The following CA13 variants were observed in gnomAD, a reference collection of about 807,000 sequenced individuals.
CA13 encodes carbonic anhydrase 13.
CA13 carries 21 observed loss-of-function variants against 31.5 expected under a neutral mutation model. That is an observed-to-expected ratio of 0.67 (90% CI 0.47 to 0.96). The LOEUF (loss-of-function observed/expected upper bound fraction) is 0.96. CA13 is among the 40% of genes least tolerant of loss of function. The probability of loss-of-function intolerance (pLI) is 0.00; values close to 1 mark genes in which losing one functional copy is unlikely to be tolerated. For missense variants in CA13, 315 were observed against 318.9 expected (o/e 0.99, Z 0.09); for synonymous variants, 117 against 111.4 (o/e 1.05, Z -0.32).
chr8:85,273,766 A>AG (rs577201048), intron 6 of CA13, among the ~76,000 whole-genome samples: 2 of 151,898 alleles, frequency 1.3e-5, no homozygotes, highest in Non-Finnish European at 2.9e-5. Flanking sequence ...GTCTGCCCCC[A>AG]GGGATGCAAG....
intron 2 of CA13, among the ~76,000 whole-genome samples, chr8:85,251,390 C>T (rs1813826002): frequency 6.6e-6 from 1 of 152,050 alleles, no homozygotes; most frequent in Admixed American, 6.6e-5. Flanking sequence ...ATTAAGATAT[C>T]TTGTTATATA....
At chr8:85,268,344 C>T in intron 5 of CA13, 128 bp from the exon 6 acceptor site, 1 of 823,776 alleles carries the variant, frequency 1.2e-6, no homozygotes, top group Non-Finnish European at 1.9e-6. Flanking sequence ...GAAGATATTA[C>T]ATAATTCTAG....
intron 3 of CA13, 141 bp downstream of exon 3, chr8:85,259,680 A>G (rs1807351320): frequency 1.6e-6 from 1 of 642,062 alleles, no homozygotes; most frequent in Admixed American, 2.8e-5. Flanking sequence ...TTCATTCAAT[A>G]TGAGAGTTTA....
At chr8:85,246,017 G>A (rs560449703) in intron 1 of CA13, 152 bp downstream of exon 1, 1 of 885,672 alleles carries the variant, frequency 1.1e-6, no homozygotes, top group African/African-American at 1.6e-5. Flanking sequence ...TGGGAGCCCA[G>A]TGCGAGAAGC....
chr8:85,281,165 C>G (rs1424063522), intron 6 of CA13, 65 bp from the exon 7 acceptor site: 1 of 1,561,526 alleles, frequency 6.4e-7, no homozygotes, highest in Non-Finnish European at 8.8e-7. Flanking sequence ...CTTCTTTATG[C>G]AGGGTAATTC....
rs751039473 is a variant in CA13, at chr8:85,282,796, C to G, written c.*1447C>G. 2 of 152,128 alleles carry G rather than the reference C, an allele frequency of 1.3e-5. No individual in the cohort carries two copies. The highest frequency in any genetic ancestry group is 2.9e-5 in the Non-Finnish European group (2 of 68,012). 9.4% of individuals were successfully genotyped at this position (152,128 alleles called of 1,614,324 possible). A position where few individuals can be genotyped will look rare whatever the true frequency, so the allele number is the denominator to read the frequency against. On this transcript the variant is annotated 3_prime_UTR_variant, in exon 7 of 7. Transcript: ENST00000321764. ...CAAACAGAGGGACACTAAGCATTAA[C>G]TTAATAATCACATTTAAGACTTGAA... is the stretch of plus-strand genomic sequence containing the variant.
intron 2 of CA13, among the ~76,000 whole-genome samples, chr8:85,251,356 T>C (rs1813825265): frequency 6.6e-6 from 1 of 152,188 alleles, no homozygotes; most frequent in South Asian, 2.1e-4. Context: ...TTTGTCAAAT[T>C]GAAGCATATT....
chr8:85,281,511 T>C lies in CA13; in HGVS notation c.*162T>C. On this transcript the variant is annotated 3_prime_UTR_variant, in exon 7 of 7. Coordinates refer to ENST00000321764, the MANE Select transcript of CA13 (RefSeq NM_198584.3). ...ACAAAGAAAACCAGATCTCTCTCTC[T>C]TTTTTTTTTATTTTTTTTAGTGATA... 9.1e-7 allele frequency: 1 copy of C among 1,097,076 alleles called. No individual in the cohort carries two copies. 68.0% of individuals were successfully genotyped at this position (1,097,076 alleles called of 1,614,324 possible).
chr8:85,278,593 C>T (rs1431894286), intron 6 of CA13, among the ~76,000 whole-genome samples: 2 of 151,972 alleles, frequency 1.3e-5, no homozygotes, highest in Non-Finnish European at 2.9e-5. Context: ...TAAAATGATA[C>T]GATGTTGGGA....
intron 2 of CA13, among the ~76,000 whole-genome samples, chr8:85,255,990 G>T (rs1807287309): frequency 6.6e-6 from 1 of 151,072 alleles, no homozygotes; most frequent in Non-Finnish European, 1.5e-5. Flanking sequence ...CTAGCATGGT[G>T]CCTGGCACAT....
intron 6 of CA13, among the ~76,000 whole-genome samples, chr8:85,273,823 G>T (rs1226883689): frequency 6.6e-6 from 1 of 152,034 alleles, no homozygotes; most frequent in Non-Finnish European, 1.5e-5. Context: ...CAGACAACAC[G>T]AGGTGGTGTG....
chr8:85,274,774 A>G (rs1807577958), intron 6 of CA13, among the ~76,000 whole-genome samples: 1 of 152,164 alleles, frequency 6.6e-6, no homozygotes, highest in Non-Finnish European at 1.5e-5. Flanking sequence ...TAACCCCATG[A>G]ACCATCCTCA....
Position 85,259,518 on chromosome 8 carries a change from T to C in CA13, c.333T>C (p.Asp111=). ...ACCACGGCTCCGAGCACATAGTAGA[T>C]GGAGTGAGCTATGCTGCAGAGGTAA... ...ADDHGSEHIV[D]GVSYAAELHV... is the part of the protein sequence containing the mutation. The change falls in exon 3 of 7, where the codon GAT becomes GAC. Residue 111 remains aspartate (D), a synonymous_variant. Coordinates refer to ENST00000321764, the MANE Select transcript of CA13 (RefSeq NM_198584.3). 3 of 1,613,708 alleles carry C rather than the reference T, an allele frequency of 1.9e-6. No individual in the cohort carries two copies. The highest frequency in any genetic ancestry group is 1.7e-6 in the Non-Finnish European group (2 of 1,179,658).
At chr8:85,249,402 G>A (rs1813787348) in intron 1 of CA13, among the ~76,000 whole-genome samples, 1 of 151,356 alleles carries the variant, frequency 6.6e-6, no homozygotes, top group Non-Finnish European at 1.5e-5. Flanking sequence ...GGCTGAGGTG[G>A]AAGGATTGTT....
At chr8:85,258,955 T>G (rs1388293720) in intron 2 of CA13, among the ~76,000 whole-genome samples, 1 of 150,832 alleles carries the variant, frequency 6.6e-6, no homozygotes, top group African/African-American at 2.4e-5. Flanking sequence ...AGTTAGAGTT[T>G]GTTCAAGATC....
chr8:85,270,470 A>C (rs552440603), intron 6 of CA13, among the ~76,000 whole-genome samples: 2 of 152,060 alleles, frequency 1.3e-5, no homozygotes, highest in South Asian at 4.2e-4. Flanking sequence ...TGACATGAAA[A>C]CTCCTGTGAA....
chr8:85,264,622 A>G (rs1042875610), intron 3 of CA13, among the ~76,000 whole-genome samples: 1 of 152,162 alleles, frequency 6.6e-6, no homozygotes, highest in African/African-American at 2.4e-5. Flanking sequence ...GGTTATATAT[A>G]GGATATATAT....
intron 6 of CA13, among the ~76,000 whole-genome samples, chr8:85,271,767 T>C (rs1406676125): frequency 6.6e-6 from 1 of 152,188 alleles, no homozygotes; most frequent in Non-Finnish European, 1.5e-5. Flanking sequence ...CTACAACTAC[T>C]ACAATCAAGA....
chr8:85,251,073 C>T, intron 2 of CA13, 136 bp downstream of exon 2: 1 of 727,182 alleles, frequency 1.4e-6, no homozygotes, highest in Admixed American at 2.7e-5. Context: ...GCGATCTTGG[C>T]TTATTGCAAC....
Sources: allele counts gnomAD v4.1 joint callset (sites outside exome capture counted in the v4.1 genomes callset), GRCh38; gene constraint gnomAD v4.1.1; transcripts MANE v1.5; gene names NCBI Gene and HGNC (gene_info 2026-07-23, HGNC 2026-07-21).